Variants in RTN1 observed in about 807,000 individuals in gnomAD.
RTN1 encodes reticulon 1, also known as reticulon-1.
Under a neutral mutation model 65.5 loss-of-function variants are expected in RTN1, and 25 were observed. The ratio of observed to expected loss-of-function variants is 0.38; its 90% CI spans 0.28 to 0.53. RTN1 has a LOEUF of 0.53. Ranked by LOEUF, RTN1 falls within the 20% of genes least tolerant of loss-of-function variation. The pLI is 0.79. For missense variants in RTN1, 983 were observed against 1,025.4 expected, an observed-to-expected ratio of 0.96 and a Z score of 0.57; for synonymous variants, 471 against 447.6, an observed-to-expected ratio of 1.05 and a Z score of -0.66.
At chr14:59,751,343 C>T (rs1594724404) in intron 1 of RTN1, among the ~76,000 whole-genome samples, 1 of 151,826 alleles carries the variant, frequency 6.6e-6, no homozygotes, top group Non-Finnish European at 1.5e-5. Flanking sequence ...AATTTAAATC[C>T]ATGGGTGCAC....
chr14:59,858,066 T>C (rs1375415543), intron 1 of RTN1, among the ~76,000 whole-genome samples: 1 of 152,236 alleles, frequency 6.6e-6, no homozygotes, highest in East Asian at 1.9e-4. Context: ...ACAAGCTGCA[T>C]GCTGACCTGA....
intron 1 of RTN1, among the ~76,000 whole-genome samples, chr14:59,760,672 C>A (rs1049300920): frequency 3.0e-4 from 45 of 152,300 alleles, no homozygotes; most frequent in African/African-American, 1.0e-3. Context: ...CAGGTTAGAA[C>A]CTTCTTCATC....
intron 1 of RTN1, among the ~76,000 whole-genome samples, chr14:59,845,425 C>T (rs986407674): frequency 1.3e-5 from 2 of 152,238 alleles, no homozygotes; most frequent in Non-Finnish European, 2.9e-5. Context: ...TCTTCATCTC[C>T]AAGTTCTAAT....
chr14:59,667,310 C>A (rs1883401180), intron 3 of RTN1, among the ~76,000 whole-genome samples: 1 of 152,208 alleles, frequency 6.6e-6, no homozygotes, highest in East Asian at 1.9e-4. Flanking sequence ...TCAACATATG[C>A]AAATCAATAA....
rs556360528 is a variant in RTN1 at position 59,816,938 on chromosome 14, C to A, written c.241+53452G>T. Among the ~76,000 whole-genome samples the A allele has an allele frequency of 2.6e-5, 4 of 152,154 alleles. No individual in the cohort carries two copies. In the South Asian group the frequency reaches 8.3e-4, roughly 32 times the overall value. ...ACAGAAAGAGACCGTGACTCAAAAT[C>A]AATTAATTAATAAATAAAATACACA... On this transcript the variant is annotated intron_variant, in intron 1 of 8. Transcript: ENST00000267484. This position sits in a 1 kb window ranked among gnomAD's most constrained non-coding sequence, Gnocchi z 4.3.
chr14:59,837,810 CT>C (rs1244673136), intron 1 of RTN1, among the ~76,000 whole-genome samples: 3 of 151,716 alleles, frequency 2.0e-5, no homozygotes, highest in African/African-American at 4.8e-5. Context: ...TCAGGTCAAC[CT>C]TTTTTTTAAC....
rs1213444170 is a variant in RTN1 at position 59,749,496 on chromosome 14, TATATCTATATATAG to T, written c.242-3029_242-3016del. 3.6e-4 allele frequency among the ~76,000 whole-genome samples: 27 copies of T among 74,370 alleles called. 1 individual carries two copies. Among genetic ancestry groups the T allele is most frequent in the South Asian group, 1.9e-3 (5 of 2,574 alleles). 48.8% of individuals were successfully genotyped at this position (74,370 alleles called of 152,430 possible). On this transcript the variant is annotated intron_variant, in intron 1 of 8. Coordinates refer to ENST00000267484, the MANE Select transcript of RTN1 (RefSeq NM_021136.3). Reference sequence around the variant, plus strand: ...ATCTATATATCTATATATATCTATATATATCTATATATAGATATCTATATATTTATATATATCTA... The same window carrying T: ...ATCTATATATCTATATATATCTATATATATCTATATATTTATATATATCTA...
At chr14:59,708,214 G>A (rs906060995) in intron 3 of RTN1, among the ~76,000 whole-genome samples, 1 of 152,174 alleles carries the variant, frequency 6.6e-6, no homozygotes, top group Admixed American at 6.5e-5. Context: ...AATAGGAGGT[G>A]GGGGGAAGCC....
At chr14:59,793,751 C>A (rs778677217) in intron 1 of RTN1, among the ~76,000 whole-genome samples, 1 of 151,754 alleles carries the variant, frequency 6.6e-6, no homozygotes, top group Non-Finnish European at 1.5e-5. Flanking sequence ...AGTTGTTATA[C>A]CAATATATAC....
At chr14:59,862,938 G>C (rs1887735537) in intron 1 of RTN1, among the ~76,000 whole-genome samples, 2 of 152,122 alleles carry the variant, frequency 1.3e-5, no homozygotes, top group African/African-American at 4.8e-5. Context: ...AATAGAAGCA[G>C]TTAATGGAAA....
intron 1 of RTN1, among the ~76,000 whole-genome samples, chr14:59,822,586 C>T (rs960379040): frequency 2.6e-5 from 4 of 152,088 alleles, no homozygotes; most frequent in African/African-American, 7.2e-5. Flanking sequence ...GTTCTAGTTC[C>T]TTCAGGTGTG....
At chr14:59,625,909 T>C (rs970572979) in intron 3 of RTN1, among the ~76,000 whole-genome samples, 3 of 152,208 alleles carry the variant, frequency 2.0e-5, no homozygotes, top group African/African-American at 7.2e-5. Context: ...ATACGAGTTT[T>C]CTTTCACTAA....
chr14:59,699,463 A>G (rs1884135315), intron 3 of RTN1, among the ~76,000 whole-genome samples: 2 of 152,294 alleles, frequency 1.3e-5, no homozygotes, highest in East Asian at 3.9e-4. Flanking sequence ...CTGCACTTAC[A>G]TTTTTATGAA....
chr14:59,699,444 CAT>C (rs1884134732), intron 3 of RTN1, among the ~76,000 whole-genome samples: 2 of 152,066 alleles, frequency 1.3e-5, no homozygotes, highest in African/African-American at 2.4e-5. Flanking sequence ...TATTGAGTAA[CAT>C]ATTTTTCTGC....
At chr14:59,852,395 G>T (rs1190470283) in intron 1 of RTN1, among the ~76,000 whole-genome samples, 1 of 152,142 alleles carries the variant, frequency 6.6e-6, no homozygotes, top group East Asian at 1.9e-4. Context: ...ATTTAGGGTG[G>T]CATTAGATGA....
At chr14:59,692,468 C>A (rs939903131) in intron 3 of RTN1, among the ~76,000 whole-genome samples, 1 of 152,090 alleles carries the variant, frequency 6.6e-6, no homozygotes, top group Non-Finnish European at 1.5e-5. Flanking sequence ...GAATCAATAT[C>A]ATCAAAATGG....
In RTN1 at chr14:59,774,236, T is replaced by C. The variant is rs1886010579; in HGVS notation, c.242-27755A>G. 1.3e-5 allele frequency among the ~76,000 whole-genome samples: 2 copies of C among 152,212 alleles called. No homozygotes were observed. The highest frequency in any genetic ancestry group is 2.9e-5 in the Non-Finnish European group (2 of 68,032). ...TCTATGGCAAAGAATGTGAATCTCTTACTAAACTGACTGTTTAACATGCTG... is the reference window on the plus strand; with the variant it reads ...TCTATGGCAAAGAATGTGAATCTCTCACTAAACTGACTGTTTAACATGCTG... On this transcript the variant is annotated intron_variant, in intron 1 of 8. Transcript: ENST00000267484. The surrounding 1 kb of genome is among the most constrained non-coding windows in gnomAD (Gnocchi z 5.1).
At chr14:59,691,647 C>T (rs932175746) in intron 3 of RTN1, among the ~76,000 whole-genome samples, 8 of 152,152 alleles carry the variant, frequency 5.3e-5, no homozygotes, top group African/African-American at 1.4e-4. Context: ...AAACTACAGA[C>T]CAAATATTAC....
At chr14:59,698,514 G>A (rs1303364581) in intron 3 of RTN1, among the ~76,000 whole-genome samples, 1 of 152,088 alleles carries the variant, frequency 6.6e-6, no homozygotes, top group African/African-American at 2.4e-5. Flanking sequence ...GAATTGTGGG[G>A]GCAAGTCTTT....
Sources: allele counts gnomAD v4.1 joint callset (sites outside exome capture counted in the v4.1 genomes callset), GRCh38; gene constraint gnomAD v4.1.1; non-coding constraint Gnocchi (gnomAD v3.1); transcripts MANE v1.5; gene names NCBI Gene and HGNC (gene_info 2026-07-23, HGNC 2026-07-21).